KIF13B: variants seen among roughly 807,000 people sequenced by gnomAD.
KIF13B encodes kinesin family member 13B.
In KIF13B, 127 loss-of-function variants were observed where a neutral mutation model predicts 222.0. That is an observed-to-expected ratio of 0.57 (90% confidence interval 0.50 to 0.66). The LOEUF (loss-of-function observed/expected upper bound fraction) is 0.66, where lower values mean the gene tolerates loss of function less well. KIF13B is among the 30% of genes least tolerant of loss of function. The pLI, the probability that KIF13B is intolerant of heterozygous loss-of-function variation, is 0.00. For missense variants in KIF13B, 2,173 were observed against 2,379.0 expected, an observed-to-expected ratio of 0.91 and a Z score of 1.80; for synonymous variants, 976 against 919.0, an observed-to-expected ratio of 1.06 and a Z score of -1.12.
intron 12 of KIF13B, among the ~76,000 whole-genome samples, chr8:29,165,368 A>T (rs902244275): frequency 6.6e-6 from 1 of 152,224 alleles, no homozygotes; most frequent in African/African-American, 2.4e-5. Flanking sequence ...AGCACTTAAT[A>T]GAATGCGGTG....
chr8:29,174,131 T>C lies in KIF13B; in HGVS notation c.945+1937A>G, dbSNP rs556496812. 4.1e-4 allele frequency among the ~76,000 whole-genome samples: 63 copies of C among 152,310 alleles called. 2 individuals are homozygous for C. In the South Asian group the frequency reaches 0.013, roughly 31 times the overall value. The stretch of plus-strand genomic sequence containing the variant: ...TTTTGTGATAAGAGCACCTAAAATA[T>C]ACTTTGAGCAAATTTTTTTATATAC... On this transcript the variant is annotated intron_variant, in intron 10 of 39. Transcript: ENST00000524189.
At chr8:29,087,147 T>C (rs1808082153) in intron 37 of KIF13B, among the ~76,000 whole-genome samples, 1 of 152,184 alleles carries the variant, frequency 6.6e-6, no homozygotes, top group South Asian at 2.1e-4. Context: ...CCATAATGTA[T>C]ATAACACAGT....
chr8:29,131,651 G>C (rs1346996410), intron 23 of KIF13B, among the ~76,000 whole-genome samples: 2 of 152,186 alleles, frequency 1.3e-5, no homozygotes, highest in African/African-American at 4.8e-5. Context: ...ATGCCACTCA[G>C]AGCTATGAGC....
intron 1 of KIF13B, among the ~76,000 whole-genome samples, chr8:29,259,921 T>C (rs990836842): frequency 7.9e-5 from 12 of 152,226 alleles, no homozygotes; most frequent in Non-Finnish European, 8.8e-5. Flanking sequence ...GGTTGTAATA[T>C]TAAAATTATG....
chr8:29,126,582 C>T, intron 25 of KIF13B, 71 bp from the exon 26 acceptor site: 1 of 885,924 alleles, frequency 1.1e-6, no homozygotes, highest in Non-Finnish European at 1.8e-6. Context: ...GCTAAACAAT[C>T]TGACTCTTTA....
intron 24 of KIF13B, among the ~76,000 whole-genome samples, chr8:29,129,002 T>C (rs1810233056): frequency 6.6e-6 from 1 of 152,188 alleles, no homozygotes; most frequent in African/African-American, 2.4e-5. Context: ...CACATGACTT[T>C]CTATCCAAAT....
At chr8:29,130,765 C>A in intron 23 of KIF13B, 100 bp from the exon 24 acceptor site, 1 of 1,041,122 alleles carries the variant, frequency 9.6e-7, no homozygotes. Context: ...AAAATGACCT[C>A]CAAACAGAGT....
At chr8:29,243,359 A>G (rs1011006390) in intron 2 of KIF13B, among the ~76,000 whole-genome samples, 1 of 150,298 alleles carries the variant, frequency 6.7e-6, no homozygotes, top group Non-Finnish European at 1.5e-5. Flanking sequence ...AAAAAAAAAA[A>G]AAAAATGTAA....
At position 29,147,463 on chromosome 8, in the gene KIF13B, G is replaced by C. The variant is rs757272844; in HGVS notation, c.1953C>G (p.Cys651Trp). 1.2e-5 allele frequency: 20 copies of C among 1,612,746 alleles called. 1 individual carries two copies. The African/African-American group carries it at 2.4e-4, about 19-fold the overall frequency. The change falls in exon 17 of 40, where the codon TGC becomes TGG. Residue 651 changes from cysteine to tryptophan, a missense_variant. This residue lies in a region of KIF13B where 1,480 missense variants were observed against 1,722.8 expected (regional missense o/e 0.86). Coordinates refer to ENST00000524189, the MANE Select transcript of KIF13B (RefSeq NM_015254.4). ...RRRLSPEKQNCRSMDRFSFHS... is the reference protein window; with the variant it reads ...RRRLSPEKQNWRSMDRFSFHS... ...GGAAAGAAAACCTGTCCATGCTCCG[G>C]CAGTTCTGCTTCTCAGGAGACAGCC...
chr8:29,246,602 A>T (rs1406587341), intron 1 of KIF13B, among the ~76,000 whole-genome samples: 1 of 152,194 alleles, frequency 6.6e-6, no homozygotes, highest in Non-Finnish European at 1.5e-5. Context: ...AAAAACCAAC[A>T]AGGTCTGACA....
chr8:29,091,691 GA>G (rs1808305861), intron 37 of KIF13B, among the ~76,000 whole-genome samples: 2 of 152,086 alleles, frequency 1.3e-5, no homozygotes, highest in African/African-American at 2.4e-5. Context: ...GATCTCTGGG[GA>G]AAAAAAGCAC....
intron 2 of KIF13B, among the ~76,000 whole-genome samples, chr8:29,211,164 C>A (rs1383275989): frequency 6.6e-6 from 1 of 152,232 alleles, no homozygotes; most frequent in African/African-American, 2.4e-5. Context: ...CACGAAAGCA[C>A]CATTTGCTGG....
chr8:29,207,688 AG>A (rs1191740643), intron 2 of KIF13B, among the ~76,000 whole-genome samples: 2 of 152,088 alleles, frequency 1.3e-5, no homozygotes, highest in Admixed American at 1.3e-4. Context: ...TTGAATCAAA[AG>A]CAAAAAAAAA....
chr8:29,127,549 TAAA>T (rs978308043), intron 24 of KIF13B, among the ~76,000 whole-genome samples: 7 of 152,222 alleles, frequency 4.6e-5, no homozygotes, highest in African/African-American at 1.7e-4. Context: ...AGTTGGCCAA[TAAA>T]AAAGTTCAAC....
At chr8:29,214,291 A>T (rs1289330031) in intron 2 of KIF13B, among the ~76,000 whole-genome samples, 4 of 151,786 alleles carry the variant, frequency 2.6e-5, no homozygotes, top group African/African-American at 9.7e-5. Context: ...AATAACAGTC[A>T]GGTTAAAACA....
chr8:29,088,592 C>T (rs1808151043), intron 37 of KIF13B, among the ~76,000 whole-genome samples: 2 of 152,054 alleles, frequency 1.3e-5, no homozygotes, highest in African/African-American at 2.4e-5. Context: ...TTGTGAAAAT[C>T]ACAAATCTGA....
At chr8:29,192,717 G>C (rs1586906734) in intron 3 of KIF13B, among the ~76,000 whole-genome samples, 1 of 152,262 alleles carries the variant, frequency 6.6e-6, no homozygotes, top group African/African-American at 2.4e-5. Context: ...ATTAGGTTAA[G>C]ATGGTAAATT....
chr8:29,116,341 C>G lies in KIF13B; in HGVS notation c.3837+490G>C, dbSNP rs745550547. Among the ~76,000 whole-genome samples the G allele has an allele frequency of 3.3e-5, 5 of 152,168 alleles. No homozygotes were observed. In the South Asian group the frequency reaches 1.0e-3, roughly 32 times the overall value. ...AAAATTAGCCGGATGTGGTGGCACA[C>G]GTCTGTGGTCCCAGCTACCGGGGAG... On this transcript the variant is annotated intron_variant, in intron 31 of 39. Coordinates refer to ENST00000524189, the MANE Select transcript of KIF13B (RefSeq NM_015254.4).
intron 21 of KIF13B, among the ~76,000 whole-genome samples, chr8:29,135,667 C>G (rs926140204): frequency 6.6e-6 from 1 of 152,042 alleles, no homozygotes; most frequent in Non-Finnish European, 1.5e-5. Context: ...TTTGGGAGGC[C>G]GAGGATCACT....
Sources: allele counts gnomAD v4.1 joint callset (sites outside exome capture counted in the v4.1 genomes callset), GRCh38; gene constraint gnomAD v4.1.1; regional missense constraint gnomAD v4.1.1; transcripts MANE v1.5; gene names NCBI Gene and HGNC (gene_info 2026-07-23, HGNC 2026-07-21).